The following HDAC9 variants were observed in gnomAD, a reference collection of about 807,000 sequenced individuals.
The protein encoded by HDAC9 is MEF-2 interacting transcription repressor (MITR) protein.
HDAC9 carries 41 observed loss-of-function variants against 139.4 expected under a neutral mutation model. That is an observed-to-expected ratio of 0.29 (90% CI 0.23 to 0.38). The LOEUF (loss-of-function observed/expected upper bound fraction) is 0.38. Among genes scored for constraint, HDAC9 ranks in the 10% least tolerant of loss-of-function variants. The probability of loss-of-function intolerance (pLI) is 1.00; values close to 1 mark genes in which losing one functional copy is unlikely to be tolerated. For missense variants in HDAC9, 1,147 were observed against 1,297.0 expected (o/e 0.88, Z 1.78); for synonymous variants, 517 against 476.2 (o/e 1.09, Z -1.12).
intron 1 of HDAC9, among the ~76,000 whole-genome samples, chr7:18,443,348 A>G (rs1399396437): frequency 1.3e-5 from 2 of 152,342 alleles, no homozygotes; most frequent in Middle Eastern, 3.4e-3. Flanking sequence ...AGAAAATTAC[A>G]CCAAAGAAGA....
chr7:18,359,110 C>G (rs1783566915), intron 1 of HDAC9, among the ~76,000 whole-genome samples: 1 of 152,198 alleles, frequency 6.6e-6, no homozygotes, highest in Admixed American at 6.5e-5. Flanking sequence ...AATCCCAGCA[C>G]TTTGGGAGGC....
At chr7:18,942,526 A>G (rs1397031495) in intron 23 of HDAC9, among the ~76,000 whole-genome samples, 1 of 152,130 alleles carries the variant, frequency 6.6e-6, no homozygotes, top group Non-Finnish European at 1.5e-5. Context: ...TAAAACAACA[A>G]CAGCAACAAA....
chr7:18,583,838 C>A (rs979529916), intron 2 of HDAC9, among the ~76,000 whole-genome samples: 1 of 152,178 alleles, frequency 6.6e-6, no homozygotes, highest in Non-Finnish European at 1.5e-5. Context: ...TCCCACAACT[C>A]CCACAAATAG....
intron 22 of HDAC9, among the ~76,000 whole-genome samples, chr7:18,883,360 C>T (rs1487913974): frequency 2.6e-5 from 4 of 152,086 alleles, no homozygotes; most frequent in African/African-American, 7.2e-5. Flanking sequence ...TGGGATTTAT[C>T]TATGGGATGC....
intron 2 of HDAC9, among the ~76,000 whole-genome samples, chr7:18,212,360 T>C (rs1351163429): frequency 1.3e-5 from 2 of 152,182 alleles, no homozygotes; most frequent in Admixed American, 1.3e-4. Context: ...TACAATAAAA[T>C]ACATTTTTAA....
intron 1 of HDAC9, among the ~76,000 whole-genome samples, chr7:18,089,010 A>G (rs772471977): frequency 2.0e-5 from 3 of 152,196 alleles, no homozygotes; most frequent in Non-Finnish European, 4.4e-5. Context: ...TGTTTTAGCT[A>G]TTAAACAGAT....
Position 18,762,528 on chromosome 7 carries a change from A to G in HDAC9, c.2164+251A>G, listed in dbSNP as rs551556981. Among the ~76,000 whole-genome samples the G allele has an allele frequency of 5.3e-4, 81 of 152,258 alleles. 1 individual carries two copies. The highest frequency in any genetic ancestry group is 2.2e-3 in the Admixed American group (34 of 15,292). On this transcript the variant is annotated intron_variant, in intron 15 of 25. Transcript: ENST00000686413. ...ACCTTCATTTGAATAACATTTGTAC[A>G]ATGTGTTTTTGCATATAGAAAAAAC...
At chr7:18,585,252 C>T (rs768198165) in intron 2 of HDAC9, 29 bp from the exon 3 acceptor site, 1 of 1,608,528 alleles carries the variant, frequency 6.2e-7, no homozygotes. Flanking sequence ...CCTCCCCCAC[C>T]CCATTTCCCT....
intron 2 of HDAC9, among the ~76,000 whole-genome samples, chr7:18,522,943 G>T (rs1257329183): frequency 3.3e-5 from 5 of 152,224 alleles, no homozygotes; most frequent in Non-Finnish European, 7.3e-5. Flanking sequence ...ATGATGTAGT[G>T]TCTTGCTTCC....
At chr7:18,492,141 T>C (rs1198813066), upstream of HDAC9, among the ~76,000 whole-genome samples, 2 of 151,996 alleles carry the variant, frequency 1.3e-5, no homozygotes, top group East Asian at 3.9e-4. Context: ...CAAGATTTCA[T>C]ATTTGAGATT....
At chr7:18,287,547 C>T (rs555189090), upstream of HDAC9, among the ~76,000 whole-genome samples, 1 of 152,290 alleles carries the variant, frequency 6.6e-6, no homozygotes, top group East Asian at 1.9e-4. Flanking sequence ...ATCCAGATGT[C>T]CACCTTCTCT....
chr7:18,835,392 C>G lies in HDAC9; in HGVS notation c.2467-75C>G. On this transcript the variant is annotated intron_variant, in intron 19 of 25. Transcript: ENST00000686413. Reference sequence around the variant, plus strand: ...AAGAAAGTGGTAGAAAGACAGGGAACTAGAAATCAGAAAGGTTGTCTCCAC... The same window carrying G: ...AAGAAAGTGGTAGAAAGACAGGGAAGTAGAAATCAGAAAGGTTGTCTCCAC... The G allele has an allele frequency of 1.0e-5, 15 of 1,441,804 alleles. No homozygotes were observed. In the South Asian group the frequency reaches 1.9e-4, roughly 19 times the overall value. 89.3% of individuals were successfully genotyped at this position (1,441,804 alleles called of 1,614,324 possible). A position where few individuals can be genotyped will look rare whatever the true frequency, so the allele number is the denominator to read the frequency against.
intron 22 of HDAC9, among the ~76,000 whole-genome samples, chr7:18,923,080 A>G (rs182593133): frequency 3.9e-5 from 6 of 152,184 alleles, no homozygotes; most frequent in Admixed American, 3.3e-4. Flanking sequence ...TTTGTCACCT[A>G]TTATTAATTA....
chr7:18,905,287 A>G (rs1041712852), intron 22 of HDAC9, among the ~76,000 whole-genome samples: 3 of 152,198 alleles, frequency 2.0e-5, no homozygotes, highest in Non-Finnish European at 2.9e-5. Flanking sequence ...GCCTTGCCAT[A>G]TATCTCTTAC....
intron 17 of HDAC9, among the ~76,000 whole-genome samples, chr7:18,822,291 A>G (rs1430276499): frequency 2.6e-5 from 4 of 152,250 alleles, no homozygotes; most frequent in Non-Finnish European, 1.5e-5. Context: ...TTAACATACA[A>G]AAAGACACCT....
intron 2 of HDAC9, among the ~76,000 whole-genome samples, chr7:18,178,423 C>A (rs1233256861): frequency 6.6e-6 from 1 of 152,200 alleles, no homozygotes; most frequent in Non-Finnish European, 1.5e-5. Flanking sequence ...CATTGAACAA[C>A]AAACATTGCA....
At chr7:18,818,385 T>G (rs1303957535) in intron 17 of HDAC9, among the ~76,000 whole-genome samples, 4 of 152,230 alleles carry the variant, frequency 2.6e-5, no homozygotes. Context: ...TGTATGATTT[T>G]TTATTTTGTT....
chr7:18,673,225 G>C (rs1301823664), intron 12 of HDAC9, among the ~76,000 whole-genome samples: 4 of 151,998 alleles, frequency 2.6e-5, no homozygotes, highest in African/African-American at 9.7e-5. Context: ...GCTACATTGA[G>C]CTATGATCAT....
chr7:18,109,562 T>G (rs186032851), intron 1 of HDAC9, among the ~76,000 whole-genome samples: 36 of 151,106 alleles, frequency 2.4e-4, no homozygotes, highest in Admixed American at 4.6e-4. Context: ...AGAGGCACAT[T>G]AAGATATTAA....
Sources: allele counts gnomAD v4.1 joint callset (sites outside exome capture counted in the v4.1 genomes callset), GRCh38; gene constraint gnomAD v4.1.1; transcripts MANE v1.5; gene names NCBI Gene and HGNC (gene_info 2026-07-23, HGNC 2026-07-21).